The following SNAPC1 variants were observed in gnomAD, a reference collection of about 807,000 sequenced individuals.
SNAPC1 encodes the protein snRNA-activating protein complex subunit 1.
A neutral mutation model predicts 50.1 loss-of-function variants in SNAPC1; 42 were observed. The ratio of observed to expected loss-of-function variants is 0.84; its 90% CI spans 0.65 to 1.08. The LOEUF is 1.08. SNAPC1 is among the 50% of genes least tolerant of loss of function. SNAPC1 has a pLI of 0.00. For missense variants in SNAPC1, 477 were observed against 427.3 expected, an observed-to-expected ratio of 1.12 and a Z score of -1.02; for synonymous variants, 164 against 144.2, an observed-to-expected ratio of 1.14 and a Z score of -0.98.
chr14:61,774,075 A>G (rs1287446627), intron 4 of SNAPC1, among the ~76,000 whole-genome samples: 1 of 152,148 alleles, frequency 6.6e-6, no homozygotes, highest in Non-Finnish European at 1.5e-5. Context: ...GTGAGGCACA[A>G]TAAGGTACAG....
At chr14:61,793,952 G>T (rs184121645) in intron 9 of SNAPC1, among the ~76,000 whole-genome samples, 2 of 152,054 alleles carry the variant, frequency 1.3e-5, no homozygotes, top group African/African-American at 4.8e-5. Flanking sequence ...CACTGCACCC[G>T]GCCGGAATAT....
At chr14:61,765,851 CCTTT>C (rs954169018) in intron 1 of SNAPC1, among the ~76,000 whole-genome samples, 1 of 152,192 alleles carries the variant, frequency 6.6e-6, no homozygotes, top group Non-Finnish European at 1.5e-5. Context: ...CCTTCCTCCT[CCTTT>C]CTTCTGATGA....
chr14:61,789,099 C>T (rs562174949), intron 8 of SNAPC1, among the ~76,000 whole-genome samples: 31 of 152,030 alleles, frequency 2.0e-4, no homozygotes, highest in African/African-American at 3.6e-4. Flanking sequence ...GGTGTGGTGG[C>T]GGGTGCCTGT....
intron 2 of SNAPC1, 53 bp downstream of exon 2, chr14:61,767,088 A>G (rs1254677): frequency 0.68 from 815,849 of 1,207,426 alleles, 282,345 homozygotes; most frequent in Non-Finnish European, 0.71. Context: ...CAAGTACCAT[A>G]TTTTTATAAT....
intron 4 of SNAPC1, among the ~76,000 whole-genome samples, chr14:61,771,239 A>C (rs184830578): frequency 6.6e-6 from 1 of 152,248 alleles, no homozygotes. Flanking sequence ...TTTCTGCAAA[A>C]TAAGTGTTTT....
chr14:61,768,134 C>T (rs955982959), intron 3 of SNAPC1, among the ~76,000 whole-genome samples: 6 of 152,126 alleles, frequency 3.9e-5, no homozygotes, highest in African/African-American at 1.4e-4. Flanking sequence ...TTTTTTTCTG[C>T]AAGCAAAAAT....
chr14:61,789,062 C>G (rs11158359), intron 8 of SNAPC1, among the ~76,000 whole-genome samples: 53,406 of 151,840 alleles, frequency 0.35, 9,942 homozygotes, highest in African/African-American at 0.46. Flanking sequence ...GAAACCCCAC[C>G]TCTACTGAAA....
chr14:61,778,585 G>A (rs2045051135), intron 6 of SNAPC1, among the ~76,000 whole-genome samples: 1 of 152,150 alleles, frequency 6.6e-6, no homozygotes, highest in African/African-American at 2.4e-5. Context: ...GATCACCCAG[G>A]CTTTCATTCA....
At chr14:61,771,486 T>C (rs1281495672) in intron 4 of SNAPC1, among the ~76,000 whole-genome samples, 3 of 152,202 alleles carry the variant, frequency 2.0e-5, no homozygotes, top group Admixed American at 1.3e-4. Context: ...GATTTTTTTT[T>C]CCCTCTAGCA....
At chr14:61,781,141 A>G (rs1473353595) in intron 7 of SNAPC1, among the ~76,000 whole-genome samples, 1 of 152,110 alleles carries the variant, frequency 6.6e-6, no homozygotes, top group Non-Finnish European at 1.5e-5. Context: ...AGAGACAGCT[A>G]TACGTGGTTG....
intron 9 of SNAPC1, among the ~76,000 whole-genome samples, chr14:61,793,146 T>C (rs563436945): frequency 6.6e-6 from 1 of 152,376 alleles, no homozygotes; most frequent in East Asian, 1.9e-4. Flanking sequence ...TTTGTAGAGA[T>C]GTCTCTGTCA....
chr14:61,788,393 CAG>C (rs780968393), intron 8 of SNAPC1, among the ~76,000 whole-genome samples: 157 of 152,244 alleles, frequency 1.0e-3, no homozygotes, highest in East Asian at 3.9e-4. Context: ...GTTTTTCAAA[CAG>C]AGGAGCCTTC....
chr14:61,789,928 C>G (rs145792005), intron 8 of SNAPC1, among the ~76,000 whole-genome samples: 3 of 152,130 alleles, frequency 2.0e-5, no homozygotes, highest in African/African-American at 7.2e-5. Context: ...AGGGCTGTTG[C>G]GGTAGTTCAG....
intron 3 of SNAPC1, among the ~76,000 whole-genome samples, chr14:61,767,851 C>T (rs1199650307): frequency 2.6e-5 from 4 of 152,190 alleles, no homozygotes; most frequent in Non-Finnish European, 4.4e-5. Flanking sequence ...GCTATCTCAG[C>T]TCACTGCAAC....
chr14:61,766,439 G>C (rs2044949171), intron 1 of SNAPC1, among the ~76,000 whole-genome samples: 1 of 152,170 alleles, frequency 6.6e-6, no homozygotes, highest in African/African-American at 2.4e-5. Context: ...GCTGGCGACT[G>C]TACCCTTTTG....
chr14:61,769,415 TCACA>T (rs2044972262), intron 4 of SNAPC1, among the ~76,000 whole-genome samples: 1 of 141,726 alleles, frequency 7.1e-6, no homozygotes, highest in African/African-American at 2.6e-5. Flanking sequence ...TTTTTTTTTC[TCACA>T]CGGAGTCTTG....
chr14:61,769,925 A>G (rs560920191), intron 4 of SNAPC1, among the ~76,000 whole-genome samples: 1 of 152,338 alleles, frequency 6.6e-6, no homozygotes, highest in African/African-American at 2.4e-5. Context: ...ATATTTCAAA[A>G]GAACATATAG....
intron 4 of SNAPC1, among the ~76,000 whole-genome samples, chr14:61,775,857 T>C (rs2045031620): frequency 6.6e-6 from 1 of 152,224 alleles, no homozygotes; most frequent in African/African-American, 2.4e-5. Flanking sequence ...GTGTATCTTA[T>C]ATCTTAGTTA....
intron 4 of SNAPC1, among the ~76,000 whole-genome samples, chr14:61,775,752 A>G (rs1427159074): frequency 6.6e-6 from 1 of 152,192 alleles, no homozygotes; most frequent in Non-Finnish European, 1.5e-5. Context: ...ATCAGTAGTG[A>G]TATTTAATGA....
Sources: allele counts gnomAD v4.1 joint callset (sites outside exome capture counted in the v4.1 genomes callset), GRCh38; gene constraint gnomAD v4.1.1; transcripts MANE v1.5; gene names NCBI Gene and HGNC (gene_info 2026-07-23, HGNC 2026-07-21).